Variants in ZHX2 observed in about 807,000 individuals in gnomAD.
ZHX2 encodes the protein zinc fingers and homeoboxes 2.
Under a neutral mutation model 21.9 loss-of-function variants are expected in ZHX2, and 6 were observed. The observed-to-expected ratio is 0.27, with a 90% CI of 0.15 to 0.54. The LOEUF is 0.54. ZHX2 is among the 20% of genes least tolerant of loss of function. The probability of loss-of-function intolerance (pLI) is 0.95; values close to 1 mark genes in which losing one functional copy is unlikely to be tolerated. For missense variants in ZHX2, 908 were observed against 1,090.7 expected (o/e 0.83, Z 2.36); for synonymous variants, 434 against 437.1 (o/e 0.99, Z 0.09).
At chr8:122,873,978 A>G (rs1819507330) in intron 2 of ZHX2, among the ~76,000 whole-genome samples, 1 of 152,164 alleles carries the variant, frequency 6.6e-6, no homozygotes, top group Admixed American at 6.5e-5. Flanking sequence ...TCTTATGATT[A>G]CCTTGTGCCT....
chr8:122,877,481 C>A (rs1452497963), intron 2 of ZHX2, among the ~76,000 whole-genome samples: 1 of 152,186 alleles, frequency 6.6e-6, no homozygotes, highest in African/African-American at 2.4e-5. Flanking sequence ...ACTATGTCAT[C>A]ATTGTTATCC....
chr8:122,916,860 G>A (rs1198933852), intron 2 of ZHX2, among the ~76,000 whole-genome samples: 1 of 151,598 alleles, frequency 6.6e-6, no homozygotes, highest in Non-Finnish European at 1.5e-5. Context: ...TCCTGCCACT[G>A]TCTCCTGACC....
intron 1 of ZHX2, among the ~76,000 whole-genome samples, chr8:122,850,620 A>G (rs1373371664): frequency 1.4e-5 from 2 of 144,426 alleles, no homozygotes; most frequent in Non-Finnish European, 3.0e-5. Context: ...AGCCTGGGCA[A>G]GAAAGCGAGA....
At chr8:122,885,012 G>A (rs966892782) in intron 2 of ZHX2, among the ~76,000 whole-genome samples, 1 of 152,194 alleles carries the variant, frequency 6.6e-6, no homozygotes, top group Non-Finnish European at 1.5e-5. Context: ...TGGATTGTTG[G>A]AGAACTAAGG....
rs560015424 is a variant in ZHX2 at position 122,931,299 on chromosome 8, G to C, written c.-219-19993G>C. On this transcript the variant is annotated intron_variant, in intron 2 of 3. Transcript: ENST00000314393. ...ACTGCTGCCTGCGTGAGAAGGGCCAGAGTTTGTGCGGTAGGCCTCATGTTT... is the reference window on the plus strand; with the variant it reads ...ACTGCTGCCTGCGTGAGAAGGGCCACAGTTTGTGCGGTAGGCCTCATGTTT... Among the ~76,000 whole-genome samples the C allele has an allele frequency of 3.3e-5, 5 of 152,300 alleles. No homozygotes were observed. The East Asian group carries it at 9.6e-4, about 29-fold the overall frequency.
intron 1 of ZHX2, among the ~76,000 whole-genome samples, chr8:122,833,451 A>T (rs779598139): frequency 1.2e-4 from 18 of 152,036 alleles, no homozygotes; most frequent in Non-Finnish European, 2.5e-4. Context: ...AGTAATGCGG[A>T]CGGGGGTGTG....
In ZHX2 at chr8:122,952,815, C is replaced by A. The variant is rs370328879; in HGVS notation, c.1305C>A (p.Asn435Lys). ...QVPEPPPKVA[N>K]PPLTPASDRK... ...CAGAGCCCCCACCCAAGGTGGCCAA[C>A]CCCCCGCTCACACCAGCCAGTGACC... The change falls in exon 3 of 4, where the codon AAC becomes AAA. Residue 435 changes from asparagine to lysine, a missense_variant. Coordinates refer to ENST00000314393, the MANE Select transcript of ZHX2 (RefSeq NM_014943.5). The surrounding 1 kb of genome is among the most constrained non-coding windows in gnomAD (Gnocchi z 6.9). The A allele has an allele frequency of 2.6e-5, 42 of 1,613,930 alleles. No homozygotes were observed. Among genetic ancestry groups the A allele is most frequent in the Non-Finnish European group, 3.5e-5 (41 of 1,180,008 alleles).
In ZHX2 at chr8:122,829,279, T is replaced by C. The variant is rs117531437; in HGVS notation, c.-282-34198T>C. ...CACAGCTAAACTAAACTACCAAGGC[T>C]ATCTTATGGTACATTCCAACTTCAA... On this transcript the variant is annotated intron_variant, in intron 1 of 3. Coordinates refer to ENST00000314393, the MANE Select transcript of ZHX2 (RefSeq NM_014943.5). 2.0e-4 allele frequency among the ~76,000 whole-genome samples: 30 copies of C among 152,374 alleles called. No homozygotes were observed. In the East Asian group the frequency reaches 5.8e-3, roughly 29 times the overall value.
intron 2 of ZHX2, among the ~76,000 whole-genome samples, chr8:122,919,044 T>C (rs1820674138): frequency 1.3e-5 from 2 of 152,078 alleles, no homozygotes; most frequent in Admixed American, 1.3e-4. Flanking sequence ...ATATGCTTCC[T>C]CCACTCTCAT....
Position 122,941,285 on chromosome 8 carries a change from A to T in ZHX2, c.-219-10007A>T, listed in dbSNP as rs557702874. Among the ~76,000 whole-genome samples, 10 of 152,320 alleles carry T rather than the reference A, an allele frequency of 6.6e-5. No individual in the cohort carries two copies. The South Asian group carries it at 2.1e-3, about 32-fold the overall frequency. ...TTGTAAAAGATTGTGCATGTAAACA[A>T]CATTTTAGTACTATCAGGTTTCCTT... On this transcript the variant is annotated intron_variant, in intron 2 of 3. Coordinates refer to ENST00000314393, the MANE Select transcript of ZHX2 (RefSeq NM_014943.5).
At chr8:122,898,316 C>T (rs181854824) in intron 2 of ZHX2, among the ~76,000 whole-genome samples, 132 of 152,178 alleles carry the variant, frequency 8.7e-4, no homozygotes, top group African/African-American at 3.0e-3. Context: ...GGAAAGTTGA[C>T]GGTGATGATG....
rs370841800 is a variant in ZHX2, at chr8:122,874,530, A to G, written c.-220+10991A>G. 6.6e-4 allele frequency among the ~76,000 whole-genome samples: 100 copies of G among 152,198 alleles called. 1 individual carries two copies. The South Asian group carries it at 0.02, about 31-fold the overall frequency. On this transcript the variant is annotated intron_variant, in intron 2 of 3. Coordinates refer to ENST00000314393, the MANE Select transcript of ZHX2 (RefSeq NM_014943.5). ...GTATTTTTAGTAGAGATGGGGTTTCACCACGATGGCCAGGCTGGTCTCGAA... is the reference window on the plus strand; with the variant it reads ...GTATTTTTAGTAGAGATGGGGTTTCGCCACGATGGCCAGGCTGGTCTCGAA...
chr8:122,857,458 G>T (rs751041071), intron 1 of ZHX2, among the ~76,000 whole-genome samples: 25 of 152,096 alleles, frequency 1.6e-4, no homozygotes, highest in Non-Finnish European at 2.8e-4. Context: ...CTTTGAGGGA[G>T]AAATATTTTG....
chr8:122,820,040 T>A (rs1332964393), intron 1 of ZHX2, among the ~76,000 whole-genome samples: 3 of 152,076 alleles, frequency 2.0e-5, no homozygotes, highest in Non-Finnish European at 4.4e-5. Flanking sequence ...TGGACCTCAG[T>A]CACATCACGA....
At chr8:122,969,351 T>C (rs1408609193) in intron 3 of ZHX2, among the ~76,000 whole-genome samples, 3 of 152,008 alleles carry the variant, frequency 2.0e-5, no homozygotes, top group African/African-American at 7.3e-5. Context: ...TAGGAAGATA[T>C]TTACTTCAAA....
chr8:122,791,894 G>A (rs1817525918), intron 1 of ZHX2, among the ~76,000 whole-genome samples: 1 of 151,818 alleles, frequency 6.6e-6, no homozygotes, highest in Non-Finnish European at 1.5e-5. Flanking sequence ...TGATGTATAG[G>A]ATACTCTCAG....
chr8:122,790,367 A>G (rs894835264), intron 1 of ZHX2, among the ~76,000 whole-genome samples: 2 of 152,176 alleles, frequency 1.3e-5, no homozygotes, highest in Non-Finnish European at 2.9e-5. Context: ...TAGCCAGCTC[A>G]TCACAGCACC....
chr8:122,819,141 T>C (rs1818091538), intron 1 of ZHX2, among the ~76,000 whole-genome samples: 1 of 152,132 alleles, frequency 6.6e-6, no homozygotes, highest in African/African-American at 2.4e-5. Flanking sequence ...GAGAAGACAG[T>C]GGTTAGACCC....
intron 1 of ZHX2, among the ~76,000 whole-genome samples, chr8:122,786,620 T>C (rs1277022837): frequency 3.9e-5 from 6 of 152,206 alleles, no homozygotes; most frequent in African/African-American, 1.4e-4. Context: ...AGTGACTTTA[T>C]TGTAAATTTG....
Sources: allele counts gnomAD v4.1 joint callset (sites outside exome capture counted in the v4.1 genomes callset), GRCh38; gene constraint gnomAD v4.1.1; non-coding constraint Gnocchi (gnomAD v3.1); transcripts MANE v1.5; gene names NCBI Gene and HGNC (gene_info 2026-07-23, HGNC 2026-07-21).